FRMD6: variants seen among roughly 807,000 people sequenced by gnomAD.
FRMD6 encodes FERM domain containing 6.
Under a neutral mutation model 73.2 loss-of-function variants are expected in FRMD6, and 37 were observed. That is an observed-to-expected ratio of 0.51 (90% CI 0.39 to 0.66). The LOEUF (loss-of-function observed/expected upper bound fraction) is 0.66. Among genes scored for constraint, FRMD6 ranks in the 30% least tolerant of loss-of-function variants. The pLI is 0.00. For synonymous variants in FRMD6, 273 were observed against 282.2 expected (o/e 0.97, Z 0.33); for missense variants, 714 against 780.5 (o/e 0.91, Z 1.02).
intron 1 of FRMD6, among the ~76,000 whole-genome samples, chr14:51,568,507 A>G (rs917197529): frequency 6.6e-6 from 1 of 152,218 alleles, no homozygotes; most frequent in African/African-American, 2.4e-5. Context: ...AATGGCGAAC[A>G]CTGCAAGAAA....
chr14:51,646,528 G>C (rs1411037213), intron 2 of FRMD6, among the ~76,000 whole-genome samples: 1 of 151,790 alleles, frequency 6.6e-6, no homozygotes, highest in Admixed American at 6.6e-5. Flanking sequence ...TGGGAGTGGA[G>C]GGAATTGCCT....
rs111384926 is a variant in FRMD6, at chr14:51,637,018, G to C, written c.-146-52673G>C. 5.7e-3 allele frequency among the ~76,000 whole-genome samples: 874 copies of C among 152,320 alleles called. 8 individuals carry two copies. The highest frequency in any genetic ancestry group is 0.02 in the African/African-American group (832 of 41,580). On this transcript the variant is annotated intron_variant, in intron 2 of 14. Coordinates refer to the FRMD6 transcript ENST00000356218. ...GTGGGAGGATGGCTTAAGCCCAGGA[G>C]TTTGAGACCAGTCTGGGCAACACAG...
At chr14:51,659,679 C>T (rs538488472) in intron 1 of FRMD6, among the ~76,000 whole-genome samples, 9 of 152,302 alleles carry the variant, frequency 5.9e-5, no homozygotes, top group East Asian at 3.9e-4. Flanking sequence ...ATTCTCCTTA[C>T]GGTGACTGAT....
At chr14:51,663,801 T>C (rs1289001877) in intron 1 of FRMD6, among the ~76,000 whole-genome samples, 1 of 152,188 alleles carries the variant, frequency 6.6e-6, no homozygotes, top group African/African-American at 2.4e-5. Context: ...TTGGGGGCCC[T>C]GAAGTCCAAG....
chr14:51,710,669 G>A (rs1896892745), intron 7 of FRMD6, among the ~76,000 whole-genome samples: 1 of 152,148 alleles, frequency 6.6e-6, no homozygotes, highest in Non-Finnish European at 1.5e-5. Context: ...TCATGGGAAA[G>A]CTGGCACTAA....
At chr14:51,588,373 C>A (rs1200666143) in intron 2 of FRMD6, among the ~76,000 whole-genome samples, 1 of 152,036 alleles carries the variant, frequency 6.6e-6, no homozygotes, top group Non-Finnish European at 1.5e-5. Context: ...GTGCTGCACC[C>A]ATTAACTTGT....
intron 2 of FRMD6, among the ~76,000 whole-genome samples, chr14:51,643,979 TTTC>T (rs1229965236): frequency 2.7e-5 from 4 of 149,424 alleles, no homozygotes; most frequent in Admixed American, 1.3e-4. Flanking sequence ...AGTTGAATGA[TTTC>T]TTATTAAGAA....
At chr14:51,467,944 G>GGGAGGTGGAGGTTGTAGCGAGCC in the FRMD6 span, among the ~76,000 whole-genome samples, 1 of 152,092 alleles carries the variant, frequency 6.6e-6, no homozygotes, top group Non-Finnish European at 1.5e-5. Flanking sequence ...GCAGGCGGCT[G>GGGAGGTGGAGGTTGTAGCGAGCC]GGAGGTGGAG....
the FRMD6 span, among the ~76,000 whole-genome samples, chr14:51,453,513 C>A: frequency 5.0e-4 from 76 of 152,288 alleles, no homozygotes; most frequent in African/African-American, 1.8e-3. Context: ...ATTCAGAGTA[C>A]TTTAAGGTAC....
chr14:51,528,323 A>C (rs1206279677), intron 1 of FRMD6, among the ~76,000 whole-genome samples: 1 of 152,136 alleles, frequency 6.6e-6, no homozygotes, highest in Non-Finnish European at 1.5e-5. Flanking sequence ...TAATACTACA[A>C]TGTGAAGCAC....
Position 51,594,261 on chromosome 14 carries a change from A to T in FRMD6, c.-147+23851A>T, listed in dbSNP as rs1889574567. 2.0e-5 allele frequency among the ~76,000 whole-genome samples: 3 copies of T among 152,228 alleles called. No individual in the cohort carries two copies. In the South Asian group the frequency reaches 6.2e-4, roughly 32 times the overall value. ...TGCCTCAGCCTTCCAAGTAACTGGGATTACAGGTGTGCACCACCACGCCCA... is the reference window on the plus strand; with the variant it reads ...TGCCTCAGCCTTCCAAGTAACTGGGTTTACAGGTGTGCACCACCACGCCCA... On this transcript the variant is annotated intron_variant, in intron 2 of 14. Coordinates refer to the FRMD6 transcript ENST00000356218.
At chr14:51,639,461 A>G (rs1891727606) in intron 2 of FRMD6, among the ~76,000 whole-genome samples, 1 of 152,094 alleles carries the variant, frequency 6.6e-6, no homozygotes, top group Non-Finnish European at 1.5e-5. Context: ...TATTATTATT[A>G]AACTCCACTA....
chr14:51,726,654 A>G (rs565863227), intron 13 of FRMD6, among the ~76,000 whole-genome samples: 35 of 152,300 alleles, frequency 2.3e-4, no homozygotes, highest in Non-Finnish European at 2.9e-5. Context: ...ATCTACTCTT[A>G]AGAGATGTTT....
At chr14:51,549,595 C>CTTTTTTTTTTTTTT (rs35356416) in intron 1 of FRMD6, among the ~76,000 whole-genome samples, 22 of 98,018 alleles carry the variant, frequency 2.2e-4, no homozygotes, top group African/African-American at 4.1e-4. Flanking sequence ...TTTTTTCTTT[C>CTTTTTTTTTTTTTT]TTTTTTTTTT....
rs529910016 is a variant in FRMD6, at chr14:51,722,362, G to A, written c.1492+282G>A. On this transcript the variant is annotated intron_variant, in intron 12 of 13. Coordinates refer to ENST00000344768, the MANE Select transcript of FRMD6 (RefSeq NM_001267046.2). Reference sequence around the variant, plus strand: ...GGTTCTCTTTATGTTATGCTGTGTCGAGAATCATATAATGTATCTGGAAGG... The same window carrying A: ...GGTTCTCTTTATGTTATGCTGTGTCAAGAATCATATAATGTATCTGGAAGG... Among the ~76,000 whole-genome samples, 13 of 152,308 alleles carry A rather than the reference G, an allele frequency of 8.5e-5. No individual in the cohort carries two copies. In the South Asian group the frequency reaches 2.1e-3, roughly 24 times the overall value.
At chr14:51,676,652 A>C (rs1894411437) in intron 1 of FRMD6, among the ~76,000 whole-genome samples, 3 of 152,206 alleles carry the variant, frequency 2.0e-5, no homozygotes. Context: ...GATGTGCTTT[A>C]CAGAATTGTG....
At chr14:51,516,012 CT>C (rs1884618027) in intron 1 of FRMD6, among the ~76,000 whole-genome samples, 2 of 29,562 alleles carry the variant, frequency 6.8e-5, no homozygotes, top group Non-Finnish European at 1.2e-4. Flanking sequence ...TCTGGGTGTT[CT>C]GAACCCCTGA....
At chr14:51,440,395 T>C in the FRMD6 span, among the ~76,000 whole-genome samples, 12 of 152,364 alleles carry the variant, frequency 7.9e-5, no homozygotes, top group East Asian at 2.3e-3. Flanking sequence ...TCCAAGGGTT[T>C]AGCTGGCCTG....
the FRMD6 span, among the ~76,000 whole-genome samples, chr14:51,450,159 A>G: frequency 6.6e-6 from 1 of 152,200 alleles, no homozygotes; most frequent in Non-Finnish European, 1.5e-5. Flanking sequence ...ACTGCCACAG[A>G]GGTAAGAAGA....
Sources: gnomAD v4.1 joint callset for allele counts (sites outside exome capture counted in the v4.1 genomes callset) on GRCh38, gnomAD v4.1.1 for gene constraint, MANE v1.5 for transcripts, NCBI Gene and HGNC (gene_info 2026-07-23, HGNC 2026-07-21) for gene names.